PCDH15: variants seen among roughly 807,000 people sequenced by gnomAD.
PCDH15 encodes protocadherin-15.
A neutral mutation model predicts 178.5 loss-of-function variants in PCDH15; 129 were observed. The observed-to-expected ratio is 0.72, with a 90% CI of 0.63 to 0.84. PCDH15 has a LOEUF of 0.84. Ranked by LOEUF, PCDH15 falls within the 40% of genes least tolerant of loss-of-function variation. The pLI is 0.00. For missense variants in PCDH15, 2,230 were observed against 2,099.9 expected, an observed-to-expected ratio of 1.06 and a Z score of -1.21; for synonymous variants, 800 against 732.0, an observed-to-expected ratio of 1.09 and a Z score of -1.50.
At chr10:54,730,919 A>G (rs1345446839) in intron 1 of PCDH15, among the ~76,000 whole-genome samples, 1 of 151,436 alleles carries the variant, frequency 6.6e-6, no homozygotes, top group East Asian at 1.9e-4. Context: ...ATGAAATTAC[A>G]TTAGGCTAAA....
intron 1 of PCDH15, among the ~76,000 whole-genome samples, chr10:54,666,074 G>T (rs1291526212): frequency 1.3e-5 from 2 of 151,950 alleles, no homozygotes; most frequent in Non-Finnish European, 2.9e-5. Context: ...TACCTCATAA[G>T]ATTGTCTTAA....
At chr10:55,550,752 G>A (rs956450887) in intron 2 of PCDH15, among the ~76,000 whole-genome samples, 3 of 152,092 alleles carry the variant, frequency 2.0e-5, no homozygotes, top group African/African-American at 7.2e-5. Flanking sequence ...AGAACAAAGA[G>A]GCTTAAAAGA....
chr10:53,935,469 TGTAAAA>T (rs2085489684), intron 25 of PCDH15, among the ~76,000 whole-genome samples: 1 of 152,144 alleles, frequency 6.6e-6, no homozygotes, highest in African/African-American at 2.4e-5. Flanking sequence ...TACCATGTAA[TGTAAAA>T]GTAAGTCGTA....
intron 13 of PCDH15, among the ~76,000 whole-genome samples, chr10:54,175,200 G>T (rs1014116148): frequency 6.6e-6 from 1 of 151,826 alleles, no homozygotes; most frequent in Non-Finnish European, 1.5e-5. Flanking sequence ...ACAAACCAAA[G>T]AAAACAAAAT....
At chr10:54,436,424 A>G (rs7088427) in intron 3 of PCDH15, among the ~76,000 whole-genome samples, 73,250 of 151,848 alleles carry the variant, frequency 0.48, 18,488 homozygotes, top group African/African-American at 0.53. Flanking sequence ...AACAAAATAA[A>G]AAAATCTAAA....
chr10:55,437,996 C>T (rs182657606), intron 2 of PCDH15, among the ~76,000 whole-genome samples: 2 of 151,742 alleles, frequency 1.3e-5, no homozygotes, highest in East Asian at 1.9e-4. Flanking sequence ...GCCACCACGC[C>T]GGCTAATTTT....
At chr10:55,538,400 T>C (rs1230213841) in intron 2 of PCDH15, among the ~76,000 whole-genome samples, 45 of 68,932 alleles carry the variant, frequency 6.5e-4, no homozygotes, top group African/African-American at 3.1e-3. Flanking sequence ...CTTCCTTTCT[T>C]CCTTCCTTCC....
intron 1 of PCDH15, among the ~76,000 whole-genome samples, chr10:55,234,556 C>A (rs997915242): frequency 5.3e-5 from 8 of 151,644 alleles, no homozygotes; most frequent in Non-Finnish European, 1.0e-4. Flanking sequence ...GGGTGGATTT[C>A]TTTTTGTAGA....
At chr10:55,448,527 A>T (rs1369572272) in intron 2 of PCDH15, among the ~76,000 whole-genome samples, 1 of 151,686 alleles carries the variant, frequency 6.6e-6, no homozygotes, top group Non-Finnish European at 1.5e-5. Context: ...AATTTTTTTC[A>T]GTAGGAAACT....
intron 27 of PCDH15, among the ~76,000 whole-genome samples, chr10:53,863,686 A>T (rs1022150163): frequency 3.9e-5 from 6 of 152,196 alleles, no homozygotes; most frequent in African/African-American, 1.4e-4. Context: ...ATAGAAAAAA[A>T]GCATTGTTGT....
At chr10:55,413,479 C>T (rs956827752) in intron 2 of PCDH15, among the ~76,000 whole-genome samples, 3 of 151,640 alleles carry the variant, frequency 2.0e-5, no homozygotes, top group Non-Finnish European at 3.0e-5. Flanking sequence ...ACAACTTTTA[C>T]ATTTAAAGGG....
chr10:54,464,695 A>G (rs2077405432), intron 3 of PCDH15, among the ~76,000 whole-genome samples: 1 of 152,200 alleles, frequency 6.6e-6, no homozygotes, highest in South Asian at 2.1e-4. Flanking sequence ...CAAGCCTCTT[A>G]AACAGTGCTC....
At chr10:54,070,299 G>GT (rs1329666918) in intron 17 of PCDH15, among the ~76,000 whole-genome samples, 2 of 151,864 alleles carry the variant, frequency 1.3e-5, no homozygotes, top group Admixed American at 6.6e-5. Context: ...CGCCTCCCAG[G>GT]TTTAAACAAT....
rs141585827 is a variant in PCDH15, at chr10:54,079,119, G to A, written c.2091+212C>T. ...GTGAGAATGCTGATCTCAAGTATCT[G>A]TTCTGTCAAGTCAAAGGTTGCAGCA... On this transcript the variant is annotated intron_variant, in intron 17 of 37. Coordinates refer to ENST00000644397, the MANE Select transcript of PCDH15 (RefSeq NM_001384140.1). Among the ~76,000 whole-genome samples the A allele has an allele frequency of 9.1e-3, 1,393 of 152,260 alleles. 16 individuals are homozygous for A. Among genetic ancestry groups the A allele is most frequent in the African/African-American group, 0.032 (1,324 of 41,550 alleles).
intron 2 of PCDH15, among the ~76,000 whole-genome samples, chr10:54,638,509 G>A (rs369164634): frequency 5.3e-5 from 8 of 151,918 alleles, no homozygotes; most frequent in African/African-American, 1.2e-4. Flanking sequence ...AAAGTACTTC[G>A]CCAAAAATTT....
At chr10:54,909,980 C>G (rs987081242) in intron 2 of PCDH15, among the ~76,000 whole-genome samples, 1 of 152,132 alleles carries the variant, frequency 6.6e-6, no homozygotes, top group Non-Finnish European at 1.5e-5. Flanking sequence ...GTGGTGCCTT[C>G]AGCTGGGTGC....
intron 6 of PCDH15, among the ~76,000 whole-genome samples, chr10:54,337,835 G>T (rs1941483102): frequency 6.6e-6 from 1 of 152,128 alleles, no homozygotes; most frequent in Non-Finnish European, 1.5e-5. Flanking sequence ...GATGAAGACA[G>T]CTTATTGGGA....
At chr10:54,046,841 T>C (rs2093666147) in intron 18 of PCDH15, among the ~76,000 whole-genome samples, 1 of 151,894 alleles carries the variant, frequency 6.6e-6, no homozygotes, top group Non-Finnish European at 1.5e-5. Context: ...AGAGTTGGTC[T>C]TAATAAAAAT....
rs951577164 is a variant in PCDH15, at chr10:54,013,279, C to T, written c.2751+6913G>A. Among the ~76,000 whole-genome samples, 10 of 152,146 alleles carry T rather than the reference C, an allele frequency of 6.6e-5. No individual in the cohort carries two copies. In the South Asian group the frequency reaches 2.1e-3, roughly 31 times the overall value. ...CATAAAGCAAGTTCTTACAGACCTA[C>T]AAAGAGACTTCGATTTCCACACAAT... is the stretch of plus-strand genomic sequence containing the variant. On this transcript the variant is annotated intron_variant, in intron 20 of 37. Transcript: ENST00000644397.
Sources: gnomAD v4.1 joint callset for allele counts (sites outside exome capture counted in the v4.1 genomes callset) on GRCh38, gnomAD v4.1.1 for gene constraint, MANE v1.5 for transcripts, NCBI Gene and HGNC (gene_info 2026-07-23, HGNC 2026-07-21) for gene names.